MFHAS1: variants seen among roughly 807,000 people sequenced by gnomAD.
The protein encoded by MFHAS1 is malignant fibrous histiocytoma-amplified sequence 1.
Under a neutral mutation model 70.4 loss-of-function variants are expected in MFHAS1, and 50 were observed. The ratio of observed to expected loss-of-function variants is 0.71; its 90% CI spans 0.57 to 0.90. MFHAS1 has a LOEUF of 0.90. MFHAS1 is among the 40% of genes least tolerant of loss of function. MFHAS1 has a pLI of 0.00. For synonymous variants in MFHAS1, 952 were observed against 620.0 expected, an observed-to-expected ratio of 1.54 and a Z score of -7.96; for missense variants, 1,795 against 1,347.6, an observed-to-expected ratio of 1.33 and a Z score of -5.20.
intron 2 of MFHAS1, among the ~76,000 whole-genome samples, chr8:8,788,348 G>C (rs183605236): frequency 1.3e-5 from 2 of 152,306 alleles, no homozygotes; most frequent in East Asian, 1.9e-4. Flanking sequence ...AAGTAGCCAA[G>C]ATACTATGAG....
At chr8:8,790,702 G>A (rs1805691193) in intron 2 of MFHAS1, among the ~76,000 whole-genome samples, 1 of 152,134 alleles carries the variant, frequency 6.6e-6, no homozygotes. Context: ...TTGTGATGAA[G>A]CCTAATTCAT....
At position 8,891,330 on chromosome 8, in the gene MFHAS1, C is replaced by A. The variant is rs368822276; in HGVS notation, c.1729G>T (p.Asp577Tyr). 58 of 1,611,152 alleles carry A rather than the reference C, an allele frequency of 3.6e-5. No individual in the cohort carries two copies. The highest frequency in any genetic ancestry group is 4.7e-5 in the Non-Finnish European group (55 of 1,180,038). The change falls in exon 1 of 3, where the codon GAC becomes TAC. Residue 577 changes from aspartate (D) to tyrosine (Y), a missense_variant. Coordinates refer to ENST00000276282, the MANE Select transcript of MFHAS1 (RefSeq NM_004225.3). The surrounding 1 kb of genome is among the most constrained non-coding windows in gnomAD (Gnocchi z 5.4). The stretch of plus-strand genomic sequence containing the variant: ...TCGAAGTCCCGGGCCAGTGCCTCGT[C>A]CACCACCTTGGCCAAGCGGCTCAGT... Reference protein sequence around the residue: ...EGLSRLAKVVDEALARDFELR... With the variant: ...EGLSRLAKVVYEALARDFELR...
At chr8:8,848,848 T>C (rs535686954) in intron 1 of MFHAS1, among the ~76,000 whole-genome samples, 2 of 152,282 alleles carry the variant, frequency 1.3e-5, no homozygotes, top group African/African-American at 4.8e-5. Flanking sequence ...CGAAGTCGGT[T>C]TCCGTTCTCA....
At chr8:8,822,394 G>C (rs529710967) in intron 1 of MFHAS1, among the ~76,000 whole-genome samples, 107 of 152,184 alleles carry the variant, frequency 7.0e-4, no homozygotes, top group Non-Finnish European at 1.2e-3. Context: ...ACAGAGATGG[G>C]GGCAGGGGAT....
chr8:8,794,532 G>C (rs1805828691), intron 2 of MFHAS1, among the ~76,000 whole-genome samples: 1 of 152,164 alleles, frequency 6.6e-6, no homozygotes, highest in African/African-American at 2.4e-5. Flanking sequence ...ACACTGGGCA[G>C]CTCGAGCACA....
chr8:8,875,051 T>C (rs1809237915), intron 1 of MFHAS1, among the ~76,000 whole-genome samples: 1 of 152,234 alleles, frequency 6.6e-6, no homozygotes, highest in Non-Finnish European at 1.5e-5. Flanking sequence ...TGACATATTG[T>C]TTCCATTAAA....
intron 1 of MFHAS1, among the ~76,000 whole-genome samples, chr8:8,869,304 G>C (rs1808979381): frequency 1.3e-5 from 2 of 152,152 alleles, no homozygotes; most frequent in Admixed American, 6.5e-5. Flanking sequence ...GCTTTTACAA[G>C]CACTACCACT....
chr8:8,790,917 TC>T (rs1805698766), intron 2 of MFHAS1, among the ~76,000 whole-genome samples: 1 of 152,174 alleles, frequency 6.6e-6, no homozygotes, highest in Admixed American at 6.5e-5. Context: ...CCACGGTACT[TC>T]TGAGAATACT....
Position 8,893,123 on chromosome 8 carries a change from C to A in MFHAS1, c.-65G>T, listed in dbSNP as rs1475778970. ...GCCCGCAGCTACATGCCGCGCCGCGCCCCGGGCCCTCCGGCTCCTGCCCCT... is the reference window on the plus strand; with the variant it reads ...GCCCGCAGCTACATGCCGCGCCGCGACCCGGGCCCTCCGGCTCCTGCCCCT... On this transcript the variant is annotated 5_prime_UTR_variant, in exon 1 of 3. Coordinates refer to ENST00000276282, the MANE Select transcript of MFHAS1 (RefSeq NM_004225.3). 4.1e-6 allele frequency: 5 copies of A among 1,225,706 alleles called. No individual in the cohort carries two copies. The African/African-American group carries it at 6.4e-5, about 16-fold the overall frequency. The allele number at this position is 1,225,706 out of a possible 1,614,324, so 75.9% of individuals were successfully genotyped here.
At chr8:8,826,908 G>A (rs554405031) in intron 1 of MFHAS1, among the ~76,000 whole-genome samples, 2 of 152,332 alleles carry the variant, frequency 1.3e-5, no homozygotes, top group Non-Finnish European at 2.9e-5. Flanking sequence ...AGAGGAGAAA[G>A]ATGGCATCTG....
chr8:8,888,517 A>C (rs1460921476), intron 1 of MFHAS1, among the ~76,000 whole-genome samples: 1 of 150,448 alleles, frequency 6.6e-6, no homozygotes, highest in Non-Finnish European at 1.5e-5. Context: ...CAAAAAACAA[A>C]ACACACACAC....
intron 1 of MFHAS1, among the ~76,000 whole-genome samples, chr8:8,879,661 T>C (rs1044096724): frequency 5.3e-5 from 8 of 152,168 alleles, no homozygotes; most frequent in African/African-American, 1.4e-4. Flanking sequence ...CAAAGTAACA[T>C]TCAAATATGC....
At chr8:8,885,838 G>T (rs435393) in intron 1 of MFHAS1, among the ~76,000 whole-genome samples, 149,915 of 152,314 alleles carry the variant, frequency 0.98, 73,805 homozygotes, top group East Asian at 1. Flanking sequence ...TTCTTCCCAG[G>T]AGCTGGGATT....
chr8:8,836,686 T>C (rs1397023188), intron 1 of MFHAS1, among the ~76,000 whole-genome samples: 2 of 152,186 alleles, frequency 1.3e-5, no homozygotes, highest in Non-Finnish European at 2.9e-5. Flanking sequence ...CCATCCACTT[T>C]TCCTTTTTGA....
chr8:8,792,579 C>T (rs1340833793), intron 2 of MFHAS1, among the ~76,000 whole-genome samples: 2 of 152,204 alleles, frequency 1.3e-5, no homozygotes, highest in Non-Finnish European at 2.9e-5. Flanking sequence ...GCACTCCAGC[C>T]TGGGCTACAG....
At chr8:8,888,622 G>A (rs993191555) in intron 1 of MFHAS1, among the ~76,000 whole-genome samples, 2 of 152,102 alleles carry the variant, frequency 1.3e-5, no homozygotes, top group African/African-American at 4.8e-5. Flanking sequence ...CAATTAACCA[G>A]GCTCAAAAGA....
chr8:8,858,823 G>C lies in MFHAS1; in HGVS notation c.2998+31238C>G, dbSNP rs188249271. Among the ~76,000 whole-genome samples the C allele has an allele frequency of 1.1e-3, 170 of 152,174 alleles. 1 individual carries two copies. The highest frequency in any genetic ancestry group is 3.9e-3 in the African/African-American group (162 of 41,490). On this transcript the variant is annotated intron_variant, in intron 1 of 2. Coordinates refer to ENST00000276282, the MANE Select transcript of MFHAS1 (RefSeq NM_004225.3). ...TTGTTCAAGGATCAACTACACTCATGATTCAGACCAAAATAGAAATAAACA... is the reference window on the plus strand; with the variant it reads ...TTGTTCAAGGATCAACTACACTCATCATTCAGACCAAAATAGAAATAAACA...
intron 1 of MFHAS1, among the ~76,000 whole-genome samples, chr8:8,837,410 C>T (rs1807637756): frequency 6.6e-6 from 1 of 152,138 alleles, no homozygotes; most frequent in Admixed American, 6.5e-5. Context: ...GGAGGCAAGG[C>T]GGGCGGATCA....
chr8:8,814,477 G>A (rs1243287559), intron 1 of MFHAS1, among the ~76,000 whole-genome samples: 2 of 152,138 alleles, frequency 1.3e-5, no homozygotes, highest in African/African-American at 4.8e-5. Context: ...CCAAGGGTGC[G>A]TTTCTCAGAA....
Sources: allele counts gnomAD v4.1 joint callset (sites outside exome capture counted in the v4.1 genomes callset), GRCh38; gene constraint gnomAD v4.1.1; non-coding constraint Gnocchi (gnomAD v3.1); transcripts MANE v1.5; gene names NCBI Gene and HGNC (gene_info 2026-07-23, HGNC 2026-07-21).